ZNF329: variants seen among roughly 807,000 people sequenced by gnomAD.
ZNF329 encodes zinc finger protein 329.
In ZNF329, 15 loss-of-function variants were observed where a neutral mutation model predicts 26.6. The ratio of observed to expected loss-of-function variants is 0.56; its 90% CI spans 0.38 to 0.87. ZNF329 has a LOEUF of 0.87. Ranked by LOEUF, ZNF329 falls within the 40% of genes least tolerant of loss-of-function variation. ZNF329 has a pLI of 0.00. For missense variants in ZNF329, 651 were observed against 651.9 expected (o/e 1.00, Z 0.02); for synonymous variants, 239 against 233.5 (o/e 1.02, Z -0.21).
Position 58,128,009 on chromosome 19 carries a change from C to T in ZNF329, c.1495G>A (p.Ala499Thr). The change falls in exon 4 of 4, where the codon GCA (alanine) becomes ACA (threonine). Residue 499 changes from alanine to threonine, a missense_variant. Physicochemically the swap from Ala to Thr is moderately conservative, Grantham distance 58. Coordinates refer to ENST00000598312, the MANE Select transcript of ZNF329 (RefSeq NM_024620.4). The stretch of plus-strand genomic sequence containing the variant: ...CTGCTATGGAGTCTCTGATGTACTG[C>T]CAGGTGAGAGTTCTGCTTGAAGGAC... ...GKSFKQNSHL[A>T]VHQRLHSREG... 1 of 1,614,004 alleles carries T rather than the reference C, an allele frequency of 6.2e-7. No homozygotes were observed. The highest frequency in any genetic ancestry group is 8.5e-7 in the Non-Finnish European group (1 of 1,180,018).
At chr19:58,130,448 A>G (rs2074912234) in intron 3 of ZNF329, among the ~76,000 whole-genome samples, 1 of 151,942 alleles carries the variant, frequency 6.6e-6, no homozygotes, top group Non-Finnish European at 1.5e-5. Flanking sequence ...CGAGGTGGGC[A>G]GATCACAAGG....
Position 58,127,874 on chromosome 19 carries a change from A to G in ZNF329, c.*4T>C. ...AACTGGAAGACTCATGTGGCCCCCAACCATTATGTTTCCATGGGTTGCTCT... is the reference window on the plus strand; with the variant it reads ...AACTGGAAGACTCATGTGGCCCCCAGCCATTATGTTTCCATGGGTTGCTCT... On this transcript the variant is annotated 3_prime_UTR_variant, in exon 4 of 4. Transcript: ENST00000598312. 3 of 1,573,790 alleles carry G rather than the reference A, an allele frequency of 1.9e-6. No individual in the cohort carries two copies. Among genetic ancestry groups the G allele is most frequent in the Non-Finnish European group, 2.6e-6 (3 of 1,159,092 alleles).
At chr19:58,152,983 A>C (rs1316621860), upstream of ZNF329, among the ~76,000 whole-genome samples, 3 of 152,252 alleles carry the variant, frequency 2.0e-5, no homozygotes, top group African/African-American at 4.8e-5. Context: ...GAGATGAGTA[A>C]AAGTAATAAT....
At position 58,142,551 on chromosome 19, in the gene ZNF329, A is replaced by G. The variant is rs1020166938; in HGVS notation, c.-9+6T>C. On this transcript the variant is annotated splice_donor_region_variant and intron_variant, in intron 3 of 3. Coordinates refer to ENST00000598312, the MANE Select transcript of ZNF329 (RefSeq NM_024620.4). ...CTCATGTAGACTTCCATTCCCTGGT[A>G]CTCACCTCTGAAAGGCAGAGGGATC... 1.2e-4 allele frequency: 18 copies of G among 152,566 alleles called. No homozygotes were observed. Among genetic ancestry groups the G allele is most frequent in the African/African-American group, 3.9e-4 (16 of 41,424 alleles). 9.5% of individuals were successfully genotyped at this position (152,566 alleles called of 1,614,324 possible). A position where few individuals can be genotyped will look rare whatever the true frequency, so the allele number is the denominator to read the frequency against.
chr19:58,129,095 G>A lies in ZNF329; in HGVS notation c.409C>T (p.His137Tyr), dbSNP rs1278664580. The A allele has an allele frequency of 2.5e-6, 4 of 1,613,804 alleles. No homozygotes were observed. The highest frequency in any genetic ancestry group is 2.7e-5 in the African/African-American group (2 of 74,878). The change falls in exon 4 of 4, where the codon CAT (histidine) becomes TAT (tyrosine). Residue 137 changes from histidine (H) to tyrosine (Y), a missense_variant. Physicochemically the swap from His to Tyr is moderately conservative, Grantham distance 83. Coordinates refer to ENST00000598312, the MANE Select transcript of ZNF329 (RefSeq NM_024620.4). ...TTCTCTCTCACTGGATTTCTTCCAT[G>A]AATAACTTCCATGGAATGGTTGAAG... ...KGFNHSMEVI[H>Y]GRNPVREKPY...
At chr19:58,137,054 C>G (rs1438904785) in intron 3 of ZNF329, 1 of 119,858 alleles carries the variant, frequency 8.3e-6, no homozygotes, top group Non-Finnish European at 1.7e-5. Flanking sequence ...CTTGTAAGTA[C>G]AGATAAAAAA....
chr19:58,145,452 G>A (rs930813763), intron 1 of ZNF329, among the ~76,000 whole-genome samples: 1 of 151,186 alleles, frequency 6.6e-6, no homozygotes, highest in South Asian at 2.1e-4. Flanking sequence ...TGCCTGAGTA[G>A]CTTGGATTAC....
chr19:58,148,953 A>G (rs530050049), intron 1 of ZNF329, among the ~76,000 whole-genome samples: 35 of 152,338 alleles, frequency 2.3e-4, no homozygotes, highest in Non-Finnish European at 4.3e-4. Context: ...ACTGGGTAAA[A>G]TAAGGCTGAA....
intron 3 of ZNF329, among the ~76,000 whole-genome samples, chr19:58,135,987 C>T (rs2075055960): frequency 6.6e-6 from 1 of 152,146 alleles, no homozygotes; most frequent in Non-Finnish European, 1.5e-5. Flanking sequence ...AATCCCAGCA[C>T]TTTAGGGGGC....
intron 3 of ZNF329, among the ~76,000 whole-genome samples, chr19:58,137,923 G>A (rs159666): frequency 7.1e-4 from 108 of 151,710 alleles, no homozygotes; most frequent in South Asian, 1.3e-3. Context: ...AGGTTGCAGT[G>A]AACGGAGAGA....
chr19:58,140,452 G>A (rs1245151850), intron 3 of ZNF329, among the ~76,000 whole-genome samples: 1 of 118,166 alleles, frequency 8.5e-6, no homozygotes, highest in Non-Finnish European at 1.7e-5. Flanking sequence ...TTGCTCTTTT[G>A]CTAAGGCTGG....
intron 1 of ZNF329, among the ~76,000 whole-genome samples, chr19:58,148,502 GA>G (rs200681426): frequency 0.014 from 1,928 of 142,760 alleles, 38 homozygotes; most frequent in African/African-American, 0.042. Context: ...TTAGTTTTTT[GA>G]AAAAAAAAAA....
chr19:58,129,083 G>T lies in ZNF329; in HGVS notation c.421C>A (p.Pro141Thr). ...HSMEVIHGRNPVREKPYKYPE... is the reference protein window; with the variant it reads ...HSMEVIHGRNTVREKPYKYPE... The stretch of plus-strand genomic sequence containing the variant: ...TATTTGTAGGGCTTCTCTCTCACTG[G>T]ATTTCTTCCATGAATAACTTCCATG... The change falls in exon 4 of 4, where the codon CCA becomes ACA. Residue 141 changes from proline (P) to threonine (T), a missense_variant. Transcript: ENST00000598312. 6.2e-7 allele frequency: 1 copy of T among 1,613,944 alleles called. No individual in the cohort carries two copies. Among genetic ancestry groups the T allele is most frequent in the African/African-American group, 1.3e-5 (1 of 75,002 alleles).
At position 58,128,268 on chromosome 19, in the gene ZNF329, C is replaced by T. The variant is rs77572421; in HGVS notation, c.1236G>A (p.Ala412=). ...KECGKTFIES[A]YLIRHQRIHT... ...GAATCCTCTGATGCCTGATGAGGTA[C>T]GCACTCTCGATGAAAGTCTTGCCAC... is the stretch of plus-strand genomic sequence containing the variant. Residue 412 remains alanine, a synonymous_variant, in exon 4 of 4, where the codon GCG becomes GCA. Coordinates refer to ENST00000598312, the MANE Select transcript of ZNF329 (RefSeq NM_024620.4). 8.1e-4 allele frequency: 1,302 copies of T among 1,607,418 alleles called. 7 individuals are homozygous for T. In the African/African-American group the frequency reaches 0.015, roughly 18 times the overall value.
At chr19:58,147,214 G>T (rs1228624322) in intron 1 of ZNF329, among the ~76,000 whole-genome samples, 3 of 151,584 alleles carry the variant, frequency 2.0e-5, no homozygotes, top group Non-Finnish European at 4.4e-5. Flanking sequence ...CCCCGTCTGG[G>T]AGGTGAGGAG....
At chr19:58,129,606 T>G in intron 3 of ZNF329, 95 bp from the exon 4 acceptor site, 1 of 1,113,822 alleles carries the variant, frequency 9.0e-7, no homozygotes. Flanking sequence ...AGATGTGTAT[T>G]TTTTTACTTG....
upstream of ZNF329, among the ~76,000 whole-genome samples, chr19:58,152,726 G>A (rs1263774653): frequency 2.0e-5 from 3 of 151,994 alleles, no homozygotes; most frequent in South Asian, 2.1e-4. Flanking sequence ...GGGTGGTGGC[G>A]GGTGCCTATA....
At chr19:58,151,601 CAA>C (rs555824584), upstream of ZNF329, among the ~76,000 whole-genome samples, 98 of 70,920 alleles carry the variant, frequency 1.4e-3, no homozygotes, top group African/African-American at 3.4e-3. Context: ...GACTTCGTCT[CAA>C]AAAAAAAAAA....
At chr19:58,145,314 C>CTTTTTTTTTTT (rs71188087) in intron 1 of ZNF329, among the ~76,000 whole-genome samples, 3 of 106,166 alleles carry the variant, frequency 2.8e-5, no homozygotes, top group Non-Finnish European at 5.4e-5. Context: ...TTTTTTCTTC[C>CTTTTTTTTTTT]TTTTTTTTTT....
Sources: allele counts gnomAD v4.1 joint callset (sites outside exome capture counted in the v4.1 genomes callset), GRCh38; gene constraint gnomAD v4.1.1; transcripts MANE v1.5; gene names NCBI Gene and HGNC (gene_info 2026-07-23, HGNC 2026-07-21).